The following PLEKHA7 variants were observed in gnomAD, a reference collection of about 807,000 sequenced individuals.
PLEKHA7 encodes the protein pleckstrin homology domain containing A7.
A neutral mutation model predicts 170.0 loss-of-function variants in PLEKHA7; 104 were observed. That is an observed-to-expected ratio of 0.61 (90% CI 0.52 to 0.72). The LOEUF is 0.72. Ranked by LOEUF, PLEKHA7 falls within the 30% of genes least tolerant of loss-of-function variation. The pLI, the probability that PLEKHA7 is intolerant of heterozygous loss-of-function variation, is 0.00. For synonymous variants in PLEKHA7, 648 were observed against 660.8 expected (o/e 0.98, Z 0.30); for missense variants, 1,615 against 1,671.7 (o/e 0.97, Z 0.59).
intron 3 of PLEKHA7, among the ~76,000 whole-genome samples, chr11:16,985,005 T>G (rs543524829): frequency 1.5e-4 from 23 of 152,364 alleles, no homozygotes; most frequent in African/African-American, 5.5e-4. Flanking sequence ...TGATGGCATC[T>G]TCTTTCATCA....
chr11:16,994,520 G>A (rs753328486), intron 3 of PLEKHA7, among the ~76,000 whole-genome samples: 29 of 152,128 alleles, frequency 1.9e-4, no homozygotes, highest in Admixed American at 1.9e-3. Context: ...ATAGGTGGGG[G>A]CTGGAGTCTG....
At position 16,800,747 on chromosome 11, in the gene PLEKHA7, C is replaced by A. The variant is rs931275139; in HGVS notation, c.2409+227G>T. On this transcript the variant is annotated intron_variant, in intron 17 of 26. Transcript: ENST00000531066. ...CCCAAGAGCTTGTCTTTGAGAGCAG[C>A]AAGGCAAGGGGAATGGGGTGAAGCT... is the stretch of plus-strand genomic sequence containing the variant. Among the ~76,000 whole-genome samples the A allele has an allele frequency of 3.3e-5, 5 of 152,080 alleles. No individual in the cohort carries two copies. The East Asian group carries it at 9.6e-4, about 29-fold the overall frequency.
chr11:16,810,419 G>T (rs1226120675), intron 13 of PLEKHA7, among the ~76,000 whole-genome samples: 5 of 152,196 alleles, frequency 3.3e-5, no homozygotes, highest in Admixed American at 1.3e-4. Context: ...CTTTCTGGCA[G>T]CCATGTCAGA....
chr11:16,941,136 T>A (rs1305294320), intron 3 of PLEKHA7, among the ~76,000 whole-genome samples: 1 of 152,108 alleles, frequency 6.6e-6, no homozygotes, highest in African/African-American at 2.4e-5. Context: ...AGGTGGCAAA[T>A]CCCTGAGGTC....
chr11:16,840,560 GAAAAC>G (rs150696124), intron 9 of PLEKHA7, among the ~76,000 whole-genome samples: 2 of 152,168 alleles, frequency 1.3e-5, no homozygotes, highest in South Asian at 2.1e-4. Flanking sequence ...GACTCTGTCT[GAAAAC>G]AAAACAAAAC....
chr11:16,803,464 A>G (rs1179522607), intron 13 of PLEKHA7, 169 bp from the exon 14 acceptor site: 5 of 630,492 alleles, frequency 7.9e-6, no homozygotes, highest in Non-Finnish European at 5.4e-6. Context: ...TTCTATGCCT[A>G]TTTCATTTTA....
chr11:16,813,292 C>G, intron 12 of PLEKHA7, 126 bp from the exon 13 acceptor site: 1 of 652,326 alleles, frequency 1.5e-6, no homozygotes, highest in Non-Finnish European at 2.6e-6. Flanking sequence ...CAGACCAACA[C>G]ATCAGGGGCC....
intron 10 of PLEKHA7, among the ~76,000 whole-genome samples, chr11:16,821,270 T>C (rs948369885): frequency 6.6e-5 from 10 of 152,226 alleles, no homozygotes; most frequent in African/African-American, 2.4e-4. Flanking sequence ...TTCCTTATTG[T>C]AGTGTTTGAG....
intron 10 of PLEKHA7, among the ~76,000 whole-genome samples, chr11:16,818,775 C>A (rs564160941): frequency 6.8e-6 from 1 of 147,596 alleles, no homozygotes; most frequent in East Asian, 2.0e-4. Context: ...CACCAACTAG[C>A]CATCTTATTT....
chr11:16,889,714 A>C (rs1856492899), intron 3 of PLEKHA7, among the ~76,000 whole-genome samples: 1 of 152,150 alleles, frequency 6.6e-6, no homozygotes, highest in Non-Finnish European at 1.5e-5. Flanking sequence ...AGAAGAAAAT[A>C]TATGGAAAAC....
chr11:16,780,088 A>AAAGG (rs1363180014), intron 26 of PLEKHA7, among the ~76,000 whole-genome samples: 1 of 152,172 alleles, frequency 6.6e-6, no homozygotes, highest in Non-Finnish European at 1.5e-5. Context: ...AAGTATACGT[A>AAAGG]AAGGAAGGAG....
intron 13 of PLEKHA7, among the ~76,000 whole-genome samples, chr11:16,809,971 T>TGCTC (rs1554927496): frequency 1.3e-5 from 2 of 151,706 alleles, no homozygotes; most frequent in African/African-American, 4.9e-5. Context: ...ATTAGGGAAC[T>TGCTC]CCTCACTGCA....
In PLEKHA7 at chr11:17,014,364, T is replaced by C; in HGVS notation, c.38A>G (p.Glu13Gly). 1 of 1,412,562 alleles carries C rather than the reference T, an allele frequency of 7.1e-7. No homozygotes were observed. Among genetic ancestry groups the C allele is most frequent in the Non-Finnish European group, 9.3e-7 (1 of 1,074,778 alleles). 87.5% of individuals were successfully genotyped at this position (1,412,562 alleles called of 1,614,324 possible). The stretch of plus-strand genomic sequence containing the variant: ...CCGGCACACCCCGTAGGACCAATGC[T>C]CAGGTAAAGTGTCCCGCCCGACCGT... Reference protein sequence around the residue: ...AATVGRDTLPEHWSYGVCRDG... With the variant: ...AATVGRDTLPGHWSYGVCRDG... Residue 13 changes from glutamate (E) to glycine (G), a missense_variant, in exon 1 of 27, where the codon GAG becomes GGG. Physicochemically the swap from Glu to Gly is moderately conservative, Grantham distance 98. Transcript: ENST00000531066.
Position 16,922,821 on chromosome 11 carries a change from G to T in PLEKHA7, c.222-51639C>A, listed in dbSNP as rs544001382. On this transcript the variant is annotated intron_variant, in intron 3 of 26. Transcript: ENST00000531066. ...GAGGGAAGAGAGAAGACAAGCTAAG[G>T]AGCTGGTGCAGAGGAGAGACAGGCT... Among the ~76,000 whole-genome samples the T allele has an allele frequency of 5.9e-5, 9 of 152,276 alleles. No individual in the cohort carries two copies. In the South Asian group the frequency reaches 1.9e-3, roughly 32 times the overall value.
At chr11:16,965,267 G>A (rs1862302519) in intron 3 of PLEKHA7, among the ~76,000 whole-genome samples, 1 of 151,978 alleles carries the variant, frequency 6.6e-6, no homozygotes, top group African/African-American at 2.4e-5. Context: ...AGGTTACAGT[G>A]AGCCAAGATC....
At chr11:16,903,904 T>C (rs1040737311) in intron 3 of PLEKHA7, among the ~76,000 whole-genome samples, 5 of 152,240 alleles carry the variant, frequency 3.3e-5, no homozygotes, top group Admixed American at 3.3e-4. Context: ...CTTCTTGCCA[T>C]GTTCTCTTCC....
chr11:16,973,465 G>A lies in PLEKHA7; in HGVS notation c.221+40524C>T, dbSNP rs144646233. On this transcript the variant is annotated intron_variant, in intron 3 of 26. Transcript: ENST00000531066. The stretch of plus-strand genomic sequence containing the variant: ...AAACTCTCCCCTGATGGCAGCAGAG[G>A]TGAAAAGAGAAGTTTCTCTTGGTGC... Among the ~76,000 whole-genome samples the A allele has an allele frequency of 2.3e-3, 346 of 152,336 alleles. 2 individuals carry two copies. The highest frequency in any genetic ancestry group is 8.0e-3 in the African/African-American group (334 of 41,566).
chr11:16,826,823 C>G (rs1850693740), intron 9 of PLEKHA7, among the ~76,000 whole-genome samples: 1 of 152,198 alleles, frequency 6.6e-6, no homozygotes, highest in South Asian at 2.1e-4. Context: ...AGAATAGGAT[C>G]TTATGCTGAC....
intron 8 of PLEKHA7, among the ~76,000 whole-genome samples, chr11:16,848,032 C>T (rs1565006541): frequency 6.6e-6 from 1 of 152,100 alleles, no homozygotes; most frequent in Non-Finnish European, 1.5e-5. Context: ...TTACTATATA[C>T]TAGGTCCTGC....
Sources: allele counts gnomAD v4.1 joint callset (sites outside exome capture counted in the v4.1 genomes callset), GRCh38; gene constraint gnomAD v4.1.1; transcripts MANE v1.5; gene names NCBI Gene and HGNC (gene_info 2026-07-23, HGNC 2026-07-21).